Variants in LRRK1 observed in about 807,000 individuals in gnomAD.
LRRK1 encodes the protein leucine-rich repeat serine/threonine-protein kinase 1.
In LRRK1, 113 loss-of-function variants were observed where a neutral mutation model predicts 209.1. The observed-to-expected ratio is 0.54, with a 90% CI of 0.46 to 0.63. LRRK1 has a LOEUF of 0.63. LRRK1 is among the 30% of genes least tolerant of loss of function. The pLI, the probability that LRRK1 is intolerant of heterozygous loss-of-function variation, is 0.00. For synonymous variants in LRRK1, 1,144 were observed against 1,099.7 expected, an observed-to-expected ratio of 1.04 and a Z score of -0.80; for missense variants, 2,284 against 2,632.2, an observed-to-expected ratio of 0.87 and a Z score of 2.89.
intron 2 of LRRK1, among the ~76,000 whole-genome samples, chr15:100,962,800 T>TATATACATATATATATATATATAC (rs1422041164): frequency 5.8e-5 from 1 of 17,280 alleles, no homozygotes; most frequent in African/African-American, 1.4e-4. Context: ...TTTGCATATA[T>TATATACATATATATATATATATAC]ATATATATAT....
intron 4 of LRRK1, among the ~76,000 whole-genome samples, chr15:100,984,412 T>C (rs1221751506): frequency 6.6e-6 from 1 of 152,228 alleles, no homozygotes; most frequent in African/African-American, 2.4e-5. Flanking sequence ...GTGTCCATCA[T>C]GACAGTATTA....
intron 4 of LRRK1, 97 bp downstream of exon 4, chr15:100,983,796 T>C: frequency 8.0e-7 from 1 of 1,245,168 alleles, no homozygotes; most frequent in East Asian, 2.3e-5. Context: ...TCACCAATAA[T>C]GAGATCAAGA....
intron 4 of LRRK1, 53 bp from the exon 5 acceptor site, chr15:100,988,581 A>G (rs1245309549): frequency 6.3e-7 from 1 of 1,574,922 alleles, no homozygotes; most frequent in Non-Finnish European, 8.7e-7. Flanking sequence ...CAGAGTGGGA[A>G]CAAACAGCAC....
chr15:100,936,520 T>A (rs1243067626), intron 2 of LRRK1, among the ~76,000 whole-genome samples: 1 of 152,366 alleles, frequency 6.6e-6, no homozygotes, highest in Non-Finnish European at 1.5e-5. Flanking sequence ...TGGCATGGCA[T>A]GTGGCCCCCA....
In LRRK1 at chr15:101,077,693, C is replaced by T. The variant is rs1057407042; in HGVS notation, c.*8845C>T. 6.6e-6 allele frequency: 1 copy of T among 152,200 alleles called. No individual in the cohort carries two copies. The highest frequency in any genetic ancestry group is 2.4e-5 in the African/African-American group (1 of 41,442). The allele number at this position is 152,200 out of a possible 1,614,324, so 9.4% of individuals were successfully genotyped here. A position where few individuals can be genotyped will look rare whatever the true frequency, so the allele number is the denominator to read the frequency against. ...AGCTTAATCTCTCCCACTCTAGGTT[C>T]CCACGCCGCCCCGAATCCCGCTCGA... On this transcript the variant is annotated 3_prime_UTR_variant, in exon 34 of 34. Transcript: ENST00000388948.
chr15:101,062,804 C>T (rs2036264990), intron 31 of LRRK1, 114 bp downstream of exon 31: 1 of 775,762 alleles, frequency 1.3e-6, no homozygotes, highest in East Asian at 2.4e-5. Flanking sequence ...GACCACCTGG[C>T]CTAGGACGTA....
At chr15:101,055,439 A>T (rs1475897586) in intron 27 of LRRK1, among the ~76,000 whole-genome samples, 1 of 152,172 alleles carries the variant, frequency 6.6e-6, no homozygotes, top group Non-Finnish European at 1.5e-5. Context: ...ACTTCTCCTT[A>T]GCATCAGCCT....
At position 101,012,217 on chromosome 15, in the gene LRRK1, T is replaced by C. The variant is rs576043438; in HGVS notation, c.1419+72T>C. 1.5e-5 allele frequency: 20 copies of C among 1,298,864 alleles called. No individual in the cohort carries two copies. The East Asian group carries it at 4.3e-4, about 28-fold the overall frequency. The allele number at this position is 1,298,864 out of a possible 1,614,324, so 80.5% of individuals were successfully genotyped here. On this transcript the variant is annotated intron_variant, in intron 10 of 33. Transcript: ENST00000388948. ...AATTGCTCCGTGTTGCAGTGAAATG[T>C]ATGTGCTTTTCCTGAGCTTCTGAGA...
rs1365065440 is a variant in LRRK1, at chr15:101,075,414, T to TC, written c.*6571dup. 2.5e-5 allele frequency: 3 copies of TC among 122,188 alleles called. No individual in the cohort carries two copies. The highest frequency in any genetic ancestry group is 1.6e-4 in the Admixed American group (2 of 12,862). 7.6% of individuals were successfully genotyped at this position (122,188 alleles called of 1,614,324 possible). Reference sequence around the variant, plus strand: ...GCCTCCTTTGTGTCCTCCTCTTGTATCCCCCGACCTTAACCCATAAGTATA... The same window carrying TC: ...GCCTCCTTTGTGTCCTCCTCTTGTATCCCCCCGACCTTAACCCATAAGTATA... On this transcript the variant is annotated 3_prime_UTR_variant, in exon 34 of 34. Transcript: ENST00000388948.
At chr15:101,046,916 G>A (rs776345641) in intron 21 of LRRK1, among the ~76,000 whole-genome samples, 2 of 152,188 alleles carry the variant, frequency 1.3e-5, no homozygotes, top group Non-Finnish European at 2.9e-5. Context: ...TGCTACAGTG[G>A]TGTTTTTCAA....
intron 12 of LRRK1, among the ~76,000 whole-genome samples, chr15:101,016,294 G>A (rs1465031766): frequency 7.0e-6 from 1 of 142,600 alleles, no homozygotes; most frequent in African/African-American, 2.6e-5. Context: ...TAGTAATTTT[G>A]TATTTTAATA....
intron 1 of LRRK1, among the ~76,000 whole-genome samples, chr15:100,922,812 G>A (rs2141589074): frequency 7.2e-6 from 1 of 139,530 alleles, no homozygotes; most frequent in Non-Finnish European, 1.5e-5. Flanking sequence ...CCCACACGTG[G>A]TTTGTGTCGA....
chr15:100,962,215 A>C (rs1338764021), intron 2 of LRRK1, among the ~76,000 whole-genome samples: 1 of 152,200 alleles, frequency 6.6e-6, no homozygotes, highest in Non-Finnish European at 1.5e-5. Flanking sequence ...ATATTGAAAA[A>C]CACAGAAAAA....
chr15:100,959,769 CT>C (rs2042838286), intron 2 of LRRK1, among the ~76,000 whole-genome samples: 1 of 152,192 alleles, frequency 6.6e-6, no homozygotes, highest in African/African-American at 2.4e-5. Context: ...ATTCAGACAT[CT>C]TAAATACTTG....
rs2031185484 is a variant in LRRK1 at position 100,974,602 on chromosome 15, T to A, written c.261+635T>A. On this transcript the variant is annotated intron_variant, in intron 3 of 33. Transcript: ENST00000388948. ...TGACACTCCATCTAGAGGGACCGTGTCTACCTGGCTATTCATCTTGGCTGA... is the reference window on the plus strand; with the variant it reads ...TGACACTCCATCTAGAGGGACCGTGACTACCTGGCTATTCATCTTGGCTGA... 2.0e-5 allele frequency among the ~76,000 whole-genome samples: 3 copies of A among 152,244 alleles called. No homozygotes were observed. In the South Asian group the frequency reaches 6.2e-4, roughly 32 times the overall value.
chr15:101,028,647 G>A (rs2034149520), intron 19 of LRRK1, among the ~76,000 whole-genome samples: 1 of 152,244 alleles, frequency 6.6e-6, no homozygotes, highest in African/African-American at 2.4e-5. Context: ...CCGCAGGAGT[G>A]CTGATTTGGA....
chr15:100,970,352 A>G (rs968774718), intron 2 of LRRK1, among the ~76,000 whole-genome samples: 2 of 152,202 alleles, frequency 1.3e-5, no homozygotes, highest in African/African-American at 4.8e-5. Flanking sequence ...GCTGCTTTTT[A>G]TTAAATGAGG....
intron 33 of LRRK1, chr15:101,067,090 C>T (rs2141166244): frequency 5.5e-6 from 2 of 363,138 alleles, no homozygotes; most frequent in South Asian, 4.3e-5. Context: ...AAGCAGGAAA[C>T]CCTACCCGAG....
At chr15:100,949,258 C>T (rs1383771598) in intron 2 of LRRK1, among the ~76,000 whole-genome samples, 1 of 151,844 alleles carries the variant, frequency 6.6e-6, no homozygotes, top group East Asian at 1.9e-4. Context: ...CAATTTGCAC[C>T]AACAAATTCA....
Sources: gnomAD v4.1 joint callset for allele counts (sites outside exome capture counted in the v4.1 genomes callset) on GRCh38, gnomAD v4.1.1 for gene constraint, MANE v1.5 for transcripts, NCBI Gene and HGNC (gene_info 2026-07-23, HGNC 2026-07-21) for gene names.